The following EEF1AKMT1 variants were observed in gnomAD, a reference collection of about 807,000 sequenced individuals.
EEF1AKMT1 encodes the protein EEF1A lysine methyltransferase 1.
In EEF1AKMT1, 18 loss-of-function variants were observed where a neutral mutation model predicts 21.0. That is an observed-to-expected ratio of 0.86 (90% CI 0.59 to 1.27). EEF1AKMT1 has a LOEUF of 1.27. Among genes scored for constraint, EEF1AKMT1 ranks in the 50% most tolerant of loss-of-function variants. The pLI, the probability that EEF1AKMT1 is intolerant of heterozygous loss-of-function variation, is 0.00. For missense variants in EEF1AKMT1, 246 were observed against 258.6 expected (o/e 0.95, Z 0.33); for synonymous variants, 109 against 94.8 (o/e 1.15, Z -0.87).
At chr13:20,730,372 C>T (rs2058785694) in intron 4 of EEF1AKMT1, among the ~76,000 whole-genome samples, 1 of 152,198 alleles carries the variant, frequency 6.6e-6, no homozygotes, top group Non-Finnish European at 1.5e-5. Flanking sequence ...CAGCCCTGTT[C>T]CCAGCAGGGT....
At chr13:20,738,758 A>G (rs1595014494) in intron 2 of EEF1AKMT1, among the ~76,000 whole-genome samples, 1 of 152,254 alleles carries the variant, frequency 6.6e-6, no homozygotes, top group Non-Finnish European at 1.5e-5. Flanking sequence ...AATTCTGTTT[A>G]TATGAAATGT....
At chr13:20,750,837 T>C (rs992606840) in intron 2 of EEF1AKMT1, among the ~76,000 whole-genome samples, 7 of 152,182 alleles carry the variant, frequency 4.6e-5, no homozygotes, top group Non-Finnish European at 1.0e-4. Flanking sequence ...CTCCACACCC[T>C]TACCAGTACC....
At chr13:20,747,127 G>A (rs1316432578) in intron 2 of EEF1AKMT1, 1 of 158,086 alleles carries the variant, frequency 6.3e-6, no homozygotes, top group Non-Finnish European at 1.4e-5. Context: ...CCCTCATCAG[G>A]GAGATGATGA....
chr13:20,765,130 G>A (rs1484452489), intron 1 of EEF1AKMT1, among the ~76,000 whole-genome samples: 1 of 151,864 alleles, frequency 6.6e-6, no homozygotes, highest in Non-Finnish European at 1.5e-5. Flanking sequence ...GCATGGTGGA[G>A]GGCACCTGTA....
chr13:20,743,577 A>G (rs2058884884), intron 2 of EEF1AKMT1, among the ~76,000 whole-genome samples: 1 of 150,532 alleles, frequency 6.6e-6, no homozygotes, highest in African/African-American at 2.4e-5. Context: ...ATTTTGCTCC[A>G]ATCATCACTT....
rs529038004 is a variant in EEF1AKMT1 at position 20,745,787 on chromosome 13, G to T, written c.145-7982C>A. 2.6e-5 allele frequency among the ~76,000 whole-genome samples: 4 copies of T among 152,254 alleles called. No homozygotes were observed. The South Asian group carries it at 8.3e-4, about 32-fold the overall frequency. On this transcript the variant is annotated intron_variant, in intron 2 of 4. Transcript: ENST00000382758. ...TGCTTGAACCTGGGAGGCAGAGGTT[G>T]CAGTAAGCCGAGATTGTGCCACTGC... is the stretch of plus-strand genomic sequence containing the variant.
chr13:20,755,233 A>T (rs1481659759), intron 2 of EEF1AKMT1, among the ~76,000 whole-genome samples: 1 of 152,226 alleles, frequency 6.6e-6, no homozygotes, highest in Admixed American at 6.5e-5. Flanking sequence ...CAGCAACCTC[A>T]GCTGAGTCTG....
intron 2 of EEF1AKMT1, among the ~76,000 whole-genome samples, chr13:20,739,327 C>A (rs540500523): frequency 6.6e-6 from 1 of 152,316 alleles, no homozygotes; most frequent in Non-Finnish European, 1.5e-5. Context: ...CCTTCCACAG[C>A]ATGGAAGGCA....
chr13:20,752,184 T>C (rs2058945162), intron 2 of EEF1AKMT1, among the ~76,000 whole-genome samples: 1 of 152,152 alleles, frequency 6.6e-6, no homozygotes, highest in African/African-American at 2.4e-5. Flanking sequence ...CAGTACTATG[T>C]TAAATAGCAG....
intron 2 of EEF1AKMT1, among the ~76,000 whole-genome samples, chr13:20,754,250 CTT>C (rs1566535263): frequency 7.0e-6 from 1 of 143,130 alleles, no homozygotes. Flanking sequence ...GGTATAGAAT[CTT>C]TTGTTGGCAG....
intron 2 of EEF1AKMT1, chr13:20,748,003 C>A: frequency 4.0e-6 from 1 of 248,924 alleles, no homozygotes. Flanking sequence ...CCAGTACCAC[C>A]ATCACCAACC....
intron 2 of EEF1AKMT1, among the ~76,000 whole-genome samples, chr13:20,751,410 C>T (rs1595023104): frequency 6.6e-6 from 1 of 152,140 alleles, no homozygotes. Flanking sequence ...TTTCTAGCAC[C>T]ATTTATTGAA....
intron 3 of EEF1AKMT1, among the ~76,000 whole-genome samples, chr13:20,737,472 TCTATAA>T (rs2058832763): frequency 6.6e-6 from 1 of 152,158 alleles, no homozygotes; most frequent in South Asian, 2.1e-4. Context: ...TGAACTGAGC[TCTATAA>T]CTATAAAGAT....
intron 2 of EEF1AKMT1, among the ~76,000 whole-genome samples, chr13:20,741,086 T>A (rs1157641009): frequency 6.6e-6 from 1 of 152,032 alleles, no homozygotes; most frequent in Non-Finnish European, 1.5e-5. Flanking sequence ...TGAAAAATCC[T>A]CAGAGATTCA....
chr13:20,748,168 G>A (rs944572855), intron 2 of EEF1AKMT1: 2 of 152,842 alleles, frequency 1.3e-5, no homozygotes, highest in African/African-American at 4.8e-5. Context: ...CGGGCGCAGT[G>A]GCTCACGCCT....
intron 1 of EEF1AKMT1, among the ~76,000 whole-genome samples, chr13:20,762,354 A>AT (rs2059005740): frequency 1.3e-5 from 2 of 150,218 alleles, no homozygotes; most frequent in African/African-American, 4.9e-5. Context: ...GCCCAGCTAA[A>AT]TTTTTTTGCA....
intron 2 of EEF1AKMT1, among the ~76,000 whole-genome samples, chr13:20,753,612 T>C (rs530641259): frequency 2.0e-4 from 31 of 152,228 alleles, no homozygotes; most frequent in Non-Finnish European, 3.8e-4. Flanking sequence ...GTTGGGTCCA[T>C]ATATGTTTGG....
chr13:20,765,247 A>G (rs8002588), intron 1 of EEF1AKMT1, among the ~76,000 whole-genome samples: 35,244 of 151,582 alleles, frequency 0.23, 5,569 homozygotes, highest in East Asian at 0.76. Flanking sequence ...GCAACAGTGC[A>G]AGACTCCAAC....
chr13:20,748,715 G>GGTTTTTTTTTTTTTTTTTTT (rs1555326495), intron 2 of EEF1AKMT1, among the ~76,000 whole-genome samples: 2 of 105,810 alleles, frequency 1.9e-5, no homozygotes, highest in African/African-American at 7.4e-5. Flanking sequence ...ATGTATAGTT[G>GGTTTTTTTTTTTTTTTTTTT]TTTTTTTTTG....
Sources: allele counts gnomAD v4.1 joint callset (sites outside exome capture counted in the v4.1 genomes callset), GRCh38; gene constraint gnomAD v4.1.1; transcripts MANE v1.5; gene names NCBI Gene and HGNC (gene_info 2026-07-23, HGNC 2026-07-21).